PAX8: variants seen among roughly 807,000 people sequenced by gnomAD.
The protein encoded by PAX8 is paired box protein Pax-8.
A neutral mutation model predicts 52.4 loss-of-function variants in PAX8; 15 were observed. The ratio of observed to expected loss-of-function variants is 0.29; its 90% CI spans 0.19 to 0.44. PAX8 has a LOEUF of 0.44. Among genes scored for constraint, PAX8 ranks in the 20% least tolerant of loss-of-function variants. The pLI is 1.00. For synonymous variants in PAX8, 284 were observed against 249.7 expected (o/e 1.14, Z -1.29); for missense variants, 554 against 602.5 (o/e 0.92, Z 0.84).
chr2:113,248,129 C>G (rs1270793190), intron 2 of PAX8, among the ~76,000 whole-genome samples: 1 of 152,212 alleles, frequency 6.6e-6, no homozygotes, highest in Non-Finnish European at 1.5e-5. Context: ...ACATATTCAA[C>G]TCTATAGTAC....
chr2:113,235,731 G>T (rs1380223250), intron 8 of PAX8, 149 bp from the exon 9 acceptor site: 3 of 618,940 alleles, frequency 4.8e-6, no homozygotes, highest in Middle Eastern at 4.4e-4. Flanking sequence ...GAGAGCCGGG[G>T]CCCACGAGGC....
chr2:113,245,902 A>G (rs1491586), intron 3 of PAX8, among the ~76,000 whole-genome samples: 46,473 of 151,970 alleles, frequency 0.31, 7,159 homozygotes, highest in South Asian at 0.45. Context: ...AGGTCCCTTT[A>G]CCTTGTCCAA....
At chr2:113,253,039 G>T (rs1249475333) in intron 2 of PAX8, among the ~76,000 whole-genome samples, 2 of 152,200 alleles carry the variant, frequency 1.3e-5, no homozygotes, top group Non-Finnish European at 2.9e-5. Context: ...GCATGTGCTT[G>T]GTGATGAGTG....
intron 4 of PAX8, among the ~76,000 whole-genome samples, chr2:113,243,181 C>T (rs923198947): frequency 6.6e-6 from 1 of 152,174 alleles, no homozygotes; most frequent in African/African-American, 2.4e-5. Flanking sequence ...CCCTCTTGGC[C>T]CTTTCTAAGT....
intron 2 of PAX8, among the ~76,000 whole-genome samples, chr2:113,258,620 T>C (rs1328976426): frequency 6.6e-6 from 1 of 152,260 alleles, no homozygotes; most frequent in Non-Finnish European, 1.5e-5. Context: ...CATTCGCAGC[T>C]CCGCTGTTAT....
intron 7 of PAX8, chr2:113,239,659 T>C (rs1690653215): frequency 6.6e-6 from 1 of 152,252 alleles, no homozygotes; most frequent in African/African-American, 2.4e-5. Flanking sequence ...GAATAATTTA[T>C]GGACACTGCT....
intron 10 of PAX8, among the ~76,000 whole-genome samples, chr2:113,221,057 A>C (rs890405089): frequency 1.3e-5 from 2 of 152,182 alleles, no homozygotes; most frequent in Admixed American, 6.5e-5. Flanking sequence ...TTTCCCATAC[A>C]TTATGATCTT....
chr2:113,246,714 C>T, intron 3 of PAX8, 40 bp downstream of exon 3: 1 of 1,602,576 alleles, frequency 6.2e-7, no homozygotes, highest in Non-Finnish European at 8.5e-7. Context: ...AGAAGTCAAG[C>T]CCTGCGGGGA....
intron 7 of PAX8, chr2:113,240,444 C>G (rs1690723033): frequency 6.6e-6 from 1 of 152,274 alleles, no homozygotes; most frequent in Non-Finnish European, 1.5e-5. Flanking sequence ...TGCCTCACTC[C>G]TACAGCAAAT....
At chr2:113,241,757 T>C in intron 6 of PAX8, 31 bp from the exon 7 acceptor site, 2 of 1,608,866 alleles carry the variant, frequency 1.2e-6, no homozygotes, top group Non-Finnish European at 1.7e-6. Context: ...AGAAAGCTTT[T>C]AGGGGACCTA....
At chr2:113,246,994 G>A in intron 2 of PAX8, 75 bp from the exon 3 acceptor site, 1 of 1,361,900 alleles carries the variant, frequency 7.3e-7, no homozygotes, top group Non-Finnish European at 1.0e-6. Flanking sequence ...TATGAGTACA[G>A]GTGCTGGTGT....
chr2:113,241,735 C>T lies in PAX8; in HGVS notation c.602-9G>A. The T allele has an allele frequency of 6.2e-7, 1 of 1,613,894 alleles. No homozygotes were observed. Among genetic ancestry groups the T allele is most frequent in the Non-Finnish European group, 8.5e-7 (1 of 1,179,956 alleles). ...GCAGCTATCCTGATCACCTGGTACC[C>T]CCCGGGAAGGAAGAAAGCTTTTAGG... On this transcript the variant is annotated splice_polypyrimidine_tract_variant and intron_variant, in intron 6 of 11. Coordinates refer to ENST00000429538, the MANE Select transcript of PAX8 (RefSeq NM_003466.4).
intron 2 of PAX8, among the ~76,000 whole-genome samples, chr2:113,257,867 C>A (rs1692374351): frequency 6.6e-6 from 1 of 152,090 alleles, no homozygotes; most frequent in Non-Finnish European, 1.5e-5. Flanking sequence ...CTTATAATAA[C>A]CCTTTGAGAA....
intron 9 of PAX8, among the ~76,000 whole-genome samples, chr2:113,228,068 C>G (rs372499633): frequency 2.0e-5 from 3 of 152,218 alleles, no homozygotes; most frequent in East Asian, 3.9e-4. Context: ...CTGTAAAGAC[C>G]TCATTTCCCG....
chr2:113,254,548 G>A (rs1318211269), intron 2 of PAX8, among the ~76,000 whole-genome samples: 1 of 152,144 alleles, frequency 6.6e-6, no homozygotes, highest in Non-Finnish European at 1.5e-5. Context: ...TTGCTACCCA[G>A]CTCGGGAGCA....
In PAX8 at chr2:113,242,670, C is replaced by T. The variant is rs776740103; in HGVS notation, c.478+20G>A. ...GGTGTACACGAGCATGTGTGTGTAT[C>T]CAGGTCTCTCAGCACTCACTCAGCG... On this transcript the variant is annotated intron_variant, in intron 5 of 11. Coordinates refer to ENST00000429538, the MANE Select transcript of PAX8 (RefSeq NM_003466.4). 12 of 1,558,368 alleles carry T rather than the reference C, an allele frequency of 7.7e-6. No homozygotes were observed. The East Asian group carries it at 2.2e-4, about 29-fold the overall frequency.
intron 2 of PAX8, among the ~76,000 whole-genome samples, chr2:113,258,043 G>A (rs934296203): frequency 2.6e-5 from 4 of 152,032 alleles, no homozygotes; most frequent in African/African-American, 4.8e-5. Context: ...ACCCACCTCC[G>A]GCGCCACCCC....
intron 3 of PAX8, among the ~76,000 whole-genome samples, chr2:113,245,321 C>T (rs1359250928): frequency 6.6e-6 from 1 of 152,180 alleles, no homozygotes; most frequent in Non-Finnish European, 1.5e-5. Flanking sequence ...GCTGGGATTA[C>T]AGGCATCAGC....
intron 9 of PAX8, among the ~76,000 whole-genome samples, chr2:113,227,756 T>C (rs1057094731): frequency 2.0e-5 from 3 of 152,008 alleles, no homozygotes; most frequent in African/African-American, 7.3e-5. Context: ...CACTAACTCA[T>C]CACTATTTTT....
Sources: allele counts gnomAD v4.1 joint callset (sites outside exome capture counted in the v4.1 genomes callset), GRCh38; gene constraint gnomAD v4.1.1; transcripts MANE v1.5; gene names NCBI Gene and HGNC (gene_info 2026-07-23, HGNC 2026-07-21).